Variants in TBC1D5 observed in about 807,000 individuals in gnomAD.
The protein encoded by TBC1D5 is TBC1 domain family member 5.
TBC1D5 carries 75 observed loss-of-function variants against 100.3 expected under a neutral mutation model. The ratio of observed to expected loss-of-function variants is 0.75; its 90% CI spans 0.62 to 0.91. The LOEUF (loss-of-function observed/expected upper bound fraction) is 0.91. TBC1D5 is among the 40% of genes least tolerant of loss of function. TBC1D5 has a pLI of 0.00. For missense variants in TBC1D5, 910 were observed against 942.4 expected (o/e 0.97, Z 0.45); for synonymous variants, 323 against 325.6 (o/e 0.99, Z 0.09).
chr3:17,519,399 C>T (rs149555899), intron 2 of TBC1D5, among the ~76,000 whole-genome samples: 32 of 152,346 alleles, frequency 2.1e-4, no homozygotes, highest in African/African-American at 7.7e-4. Flanking sequence ...CTGCAAGGCA[C>T]TACTGTTCTT....
intron 18 of TBC1D5, among the ~76,000 whole-genome samples, chr3:17,201,601 G>A (rs914146370): frequency 6.6e-6 from 1 of 152,184 alleles, no homozygotes; most frequent in Non-Finnish European, 1.5e-5. Flanking sequence ...TGTTACAGCA[G>A]AGGCAGGATG....
chr3:17,306,135 T>C (rs1361110530), intron 14 of TBC1D5, among the ~76,000 whole-genome samples: 1 of 152,146 alleles, frequency 6.6e-6, no homozygotes, highest in Non-Finnish European at 1.5e-5. Flanking sequence ...GTTCATGCTG[T>C]TCCTTCTGTC....
intron 17 of TBC1D5, among the ~76,000 whole-genome samples, chr3:17,220,021 G>C (rs2074101588): frequency 6.6e-6 from 1 of 152,062 alleles, no homozygotes; most frequent in African/African-American, 2.4e-5. Flanking sequence ...CTCTTTTTAA[G>C]AGCTGTGAGG....
chr3:17,565,098 G>A (rs2096585472), intron 2 of TBC1D5, among the ~76,000 whole-genome samples: 1 of 152,062 alleles, frequency 6.6e-6, no homozygotes, highest in Admixed American at 6.6e-5. Flanking sequence ...AACCTGTTCT[G>A]GGGAAACTTA....
chr3:17,585,584 A>G (rs1043636472), intron 2 of TBC1D5, among the ~76,000 whole-genome samples: 3 of 152,194 alleles, frequency 2.0e-5, no homozygotes, highest in Non-Finnish European at 4.4e-5. Context: ...AGCACAGAAG[A>G]GACAAAAGAA....
intron 17 of TBC1D5, among the ~76,000 whole-genome samples, chr3:17,231,219 C>T (rs2075389955): frequency 6.6e-6 from 1 of 152,034 alleles, no homozygotes; most frequent in Non-Finnish European, 1.5e-5. Flanking sequence ...TATCTCTTGA[C>T]AAAGGTTTCC....
intron 13 of TBC1D5, among the ~76,000 whole-genome samples, chr3:17,326,513 C>T (rs2086160532): frequency 6.6e-6 from 1 of 152,126 alleles, no homozygotes; most frequent in African/African-American, 2.4e-5. Flanking sequence ...CACTCTGTTG[C>T]CCAGGCTGGA....
intron 14 of TBC1D5, among the ~76,000 whole-genome samples, chr3:17,301,769 C>T (rs1255494165): frequency 1.3e-5 from 2 of 152,062 alleles, no homozygotes; most frequent in Non-Finnish European, 2.9e-5. Context: ...TGCCCTAGGC[C>T]TGAAAATAGG....
intron 2 of TBC1D5, chr3:17,576,695 T>C (rs1309595507): frequency 6.6e-6 from 1 of 152,012 alleles, no homozygotes; most frequent in African/African-American, 2.4e-5. Flanking sequence ...ATTTGTTTTT[T>C]AAGAAAAATA....
chr3:17,475,542 C>A (rs1363162908), intron 3 of TBC1D5, among the ~76,000 whole-genome samples: 1 of 152,068 alleles, frequency 6.6e-6, no homozygotes, highest in Non-Finnish European at 1.5e-5. Context: ...CACTGCCCTG[C>A]AATCATCAAC....
chr3:17,602,044 GA>G (rs1207163997), intron 2 of TBC1D5, among the ~76,000 whole-genome samples: 1 of 152,040 alleles, frequency 6.6e-6, no homozygotes, highest in Non-Finnish European at 1.5e-5. Flanking sequence ...TGTTAACCAG[GA>G]TGGTCTCAAT....
chr3:17,220,960 A>ATT (rs2074216465), intron 17 of TBC1D5, among the ~76,000 whole-genome samples: 1 of 152,060 alleles, frequency 6.6e-6, no homozygotes, highest in Non-Finnish European at 1.5e-5. Flanking sequence ...TTATTGACTT[A>ATT]TACCCCTCCA....
rs936399660 is a variant in TBC1D5, at chr3:17,731,229, G to A, written c.-101+8114C>T. ...AGAAGAGGGGGTCATGAGGCTGGGTGCAGTGACTCACGCCTGTAATCCCAG... is the reference window on the plus strand; with the variant it reads ...AGAAGAGGGGGTCATGAGGCTGGGTACAGTGACTCACGCCTGTAATCCCAG... On this transcript the variant is annotated intron_variant, in intron 1 of 21. Transcript: ENST00000253692. Among the ~76,000 whole-genome samples, 23 of 151,912 alleles carry A rather than the reference G, an allele frequency of 1.5e-4. 1 individual carries two copies. The East Asian group carries it at 4.2e-3, about 28-fold the overall frequency.
intron 1 of TBC1D5, among the ~76,000 whole-genome samples, chr3:17,657,150 A>G (rs2066151519): frequency 6.6e-6 from 1 of 152,008 alleles, no homozygotes; most frequent in Non-Finnish European, 1.5e-5. Flanking sequence ...ACAAACAAAC[A>G]AAAAACCTGG....
chr3:17,549,257 C>T (rs1018884123), intron 2 of TBC1D5, among the ~76,000 whole-genome samples: 3 of 152,094 alleles, frequency 2.0e-5, no homozygotes, highest in African/African-American at 4.8e-5. Context: ...GCCAAGATTG[C>T]GCCATTGCAC....
At chr3:17,332,851 G>A (rs1468369224) in intron 13 of TBC1D5, among the ~76,000 whole-genome samples, 3 of 152,164 alleles carry the variant, frequency 2.0e-5, no homozygotes, top group Non-Finnish European at 4.4e-5. Context: ...GGGATGACAG[G>A]CCGAGAGTGG....
intron 13 of TBC1D5, among the ~76,000 whole-genome samples, chr3:17,341,833 C>T (rs550535204): frequency 1.3e-5 from 2 of 152,204 alleles, no homozygotes; most frequent in East Asian, 1.9e-4. Flanking sequence ...TGACACAGAA[C>T]TCATCATTTT....
intron 2 of TBC1D5, among the ~76,000 whole-genome samples, chr3:17,606,221 G>A (rs927739708): frequency 2.6e-5 from 4 of 152,098 alleles, no homozygotes; most frequent in African/African-American, 7.2e-5. Context: ...AGGGAGGATC[G>A]CTTGAGCCCA....
intron 15 of TBC1D5, among the ~76,000 whole-genome samples, chr3:17,290,417 G>A (rs1028059685): frequency 7.9e-5 from 12 of 152,060 alleles, no homozygotes; most frequent in African/African-American, 2.9e-4. Flanking sequence ...ATTTAGCTAG[G>A]GAAAAATTAC....
Sources: allele counts gnomAD v4.1 joint callset (sites outside exome capture counted in the v4.1 genomes callset), GRCh38; gene constraint gnomAD v4.1.1; transcripts MANE v1.5; gene names NCBI Gene and HGNC (gene_info 2026-07-23, HGNC 2026-07-21).